The following BNIP1 variants were observed in gnomAD, a reference collection of about 807,000 sequenced individuals.
The protein encoded by BNIP1 is BCL2 interacting protein 1, also known as vesicle transport protein SEC20.
BNIP1 carries 25 observed loss-of-function variants against 28.5 expected under a neutral mutation model. The observed-to-expected ratio is 0.88, with a 90% CI of 0.64 to 1.23. The LOEUF (loss-of-function observed/expected upper bound fraction) is 1.23. Among genes scored for constraint, BNIP1 ranks in the 50% most tolerant of loss-of-function variants. The pLI, the probability that BNIP1 is intolerant of heterozygous loss-of-function variation, is 0.00. For synonymous variants in BNIP1, 118 were observed against 101.7 expected (o/e 1.16, Z -0.96); for missense variants, 276 against 277.0 (o/e 1.00, Z 0.02).
chr5:173,154,414 G>A lies in BNIP1; in HGVS notation c.269+1G>A. ...AGAATCACAAAAAGCAGATGCTCAG[G>A]TAGGCAGGGCCTGCCCCCGCCAGCG... On this transcript the variant is annotated splice_donor_variant, in intron 3 of 5. Coordinates refer to ENST00000351486, the MANE Select transcript of BNIP1 (RefSeq NM_001205.3). LOFTEE classifies it high-confidence loss of function. 2 of 1,611,542 alleles carry A rather than the reference G, an allele frequency of 1.2e-6. No individual in the cohort carries two copies. The highest frequency in any genetic ancestry group is 1.7e-6 in the Non-Finnish European group (2 of 1,178,620).
chr5:173,153,648 T>G (rs775613072), intron 2 of BNIP1, among the ~76,000 whole-genome samples: 102 of 151,006 alleles, frequency 6.8e-4, no homozygotes, highest in Non-Finnish European at 2.4e-4. Flanking sequence ...CTCAGGGGAG[T>G]TTTTTTTTAA....
rs8069 is a variant in BNIP1 at position 173,164,153 on chromosome 5, C to G, written c.*232C>G. The G allele has an allele frequency of 2.6e-6, 1 of 390,104 alleles. No homozygotes were observed. The allele number at this position is 390,104 out of a possible 1,614,324, so 24.2% of individuals were successfully genotyped here. A position where few individuals can be genotyped will look rare whatever the true frequency, so the allele number is the denominator to read the frequency against. ...GATGCCGCCCTGGGGACATACGAAC[C>G]GCCTCCTTCCACCATTGTGCACTAT... On this transcript the variant is annotated 3_prime_UTR_variant, in exon 6 of 6. Transcript: ENST00000351486. This position sits in a 1 kb window ranked among gnomAD's most constrained non-coding sequence, Gnocchi z 4.0.
At chr5:173,145,425 G>A (rs1759802901) in intron 1 of BNIP1, among the ~76,000 whole-genome samples, 1 of 152,062 alleles carries the variant, frequency 6.6e-6, no homozygotes, top group African/African-American at 2.4e-5. Flanking sequence ...TTTTTGAGAC[G>A]GAGTCTCGCT....
rs752048025 is a variant in BNIP1 at position 173,146,897 on chromosome 5, C to T, written c.116C>T (p.Ala39Val). 1.2e-6 allele frequency: 2 copies of T among 1,613,976 alleles called. No homozygotes were observed. The highest frequency in any genetic ancestry group is 1.7e-5 in the Admixed American group (1 of 60,010). The change falls in exon 2 of 6, where the codon GCT becomes GTT. Residue 39 changes from alanine to valine, a missense_variant. Ala to Val is a moderately conservative substitution (Grantham distance 64, BLOSUM62 0). Coordinates refer to ENST00000351486, the MANE Select transcript of BNIP1 (RefSeq NM_001205.3). ...CGTGATTGTTCAGGACCCTTAAGTG[C>T]TCTTACTGAACTGAATACTAAAGTA... ...DIRDCSGPLS[A>V]LTELNTKVKE...
chr5:173,156,037 A>T (rs538210854), intron 3 of BNIP1, among the ~76,000 whole-genome samples: 2 of 152,350 alleles, frequency 1.3e-5, no homozygotes, highest in South Asian at 4.1e-4. Flanking sequence ...GCAGCTGTGT[A>T]TGTAACAGTC....
chr5:173,157,932 T>G (rs1760250061), intron 3 of BNIP1, among the ~76,000 whole-genome samples: 1 of 151,228 alleles, frequency 6.6e-6, no homozygotes, highest in Non-Finnish European at 1.5e-5. Context: ...GTGTGTTTTT[T>G]TTTTTTTTTC....
chr5:173,151,682 T>A (rs1302354564), intron 2 of BNIP1: 2 of 1,613,792 alleles, frequency 1.2e-6, no homozygotes, highest in Non-Finnish European at 1.7e-6. Flanking sequence ...CAACTACACC[T>A]GTTACCTTCA....
chr5:173,146,850 G>T lies in BNIP1; in HGVS notation c.85-16G>T. 1 of 1,599,932 alleles carries T rather than the reference G, an allele frequency of 6.3e-7. No individual in the cohort carries two copies. Among genetic ancestry groups the T allele is most frequent in the Non-Finnish European group, 8.6e-7 (1 of 1,167,356 alleles). On this transcript the variant is annotated splice_polypyrimidine_tract_variant and intron_variant, in intron 1 of 5. Coordinates refer to ENST00000351486, the MANE Select transcript of BNIP1 (RefSeq NM_001205.3). Reference sequence around the variant, plus strand: ...TTGCCTTGAGAAAGGCCTTTCATCTGTTCAATGTCTCCTAGGATATCCGTG... The same window carrying T: ...TTGCCTTGAGAAAGGCCTTTCATCTTTTCAATGTCTCCTAGGATATCCGTG...
intron 1 of BNIP1, among the ~76,000 whole-genome samples, chr5:173,146,005 C>G (rs1297457005): frequency 1.3e-5 from 2 of 152,232 alleles, no homozygotes; most frequent in African/African-American, 2.4e-5. Flanking sequence ...AAACAGGTTT[C>G]ATACAAATGA....
intron 4 of BNIP1, among the ~76,000 whole-genome samples, chr5:173,159,303 T>C (rs981819509): frequency 4.8e-4 from 73 of 152,342 alleles, no homozygotes; most frequent in African/African-American, 1.7e-3. Context: ...CCTCCCAAAG[T>C]GCTAGGATTA....
At chr5:173,147,530 C>G (rs1354318975) in intron 2 of BNIP1, among the ~76,000 whole-genome samples, 1 of 152,098 alleles carries the variant, frequency 6.6e-6, no homozygotes. Flanking sequence ...TTTCTCTTCT[C>G]TGCCATTCTT....
At position 173,164,064 on chromosome 5, in the gene BNIP1, C is replaced by T; in HGVS notation, c.*143C>T. The T allele has an allele frequency of 1.3e-6, 1 of 795,844 alleles. No homozygotes were observed. The highest frequency in any genetic ancestry group is 1.9e-6 in the Non-Finnish European group (1 of 531,968). 49.3% of individuals were successfully genotyped at this position (795,844 alleles called of 1,614,324 possible). A position where few individuals can be genotyped will look rare whatever the true frequency, so the allele number is the denominator to read the frequency against. ...AGGTTGGATGGAACACAGTGCCCCA[C>T]TTTTCTGCAAGTAGCTGGCTTGTAA... On this transcript the variant is annotated 3_prime_UTR_variant, in exon 6 of 6. Transcript: ENST00000351486. The surrounding 1 kb of genome is among the most constrained non-coding windows in gnomAD (Gnocchi z 4.0).
chr5:173,155,723 A>T (rs1254792521), intron 3 of BNIP1, among the ~76,000 whole-genome samples: 3 of 152,078 alleles, frequency 2.0e-5, no homozygotes, highest in Non-Finnish European at 4.4e-5. Flanking sequence ...TTTATTTTTA[A>T]AAAATTAAAA....
At chr5:173,146,490 G>T (rs1054592896) in intron 1 of BNIP1, among the ~76,000 whole-genome samples, 4 of 152,174 alleles carry the variant, frequency 2.6e-5, no homozygotes, top group Non-Finnish European at 4.4e-5. Flanking sequence ...GATCTTCCAA[G>T]TTGGAAGGAT....
chr5:173,148,827 T>TCCAA (rs1299355647), intron 2 of BNIP1, among the ~76,000 whole-genome samples: 1 of 152,200 alleles, frequency 6.6e-6, no homozygotes, highest in Non-Finnish European at 1.5e-5. Flanking sequence ...TCCTGGTCAC[T>TCCAA]CCAAGGGTTG....
intron 4 of BNIP1, among the ~76,000 whole-genome samples, chr5:173,159,478 A>T (rs977732397): frequency 4.8e-5 from 1 of 20,754 alleles, no homozygotes; most frequent in African/African-American, 1.7e-4. Context: ...GTTGTTCATT[A>T]AAAAAAAAAA....
chr5:173,161,748 G>C (rs1011774651), intron 5 of BNIP1: 2 of 152,274 alleles, frequency 1.3e-5, no homozygotes, highest in African/African-American at 4.8e-5. Flanking sequence ...CAGTTGGGGG[G>C]AGGGGGAGCA....
At chr5:173,163,585 G>A in intron 5 of BNIP1, 140 bp from the exon 6 acceptor site, 1 of 702,962 alleles carries the variant, frequency 1.4e-6, no homozygotes, top group African/African-American at 1.8e-5. Context: ...CTCCTTGGCT[G>A]GTCTCCACAT....
At chr5:173,149,967 G>A (rs1254748422) in intron 2 of BNIP1, among the ~76,000 whole-genome samples, 1 of 152,194 alleles carries the variant, frequency 6.6e-6, no homozygotes, top group African/African-American at 2.4e-5. Flanking sequence ...CTAAAGACTT[G>A]AGCTTTTTTG....
Sources: allele counts gnomAD v4.1 joint callset (sites outside exome capture counted in the v4.1 genomes callset), GRCh38; gene constraint gnomAD v4.1.1; non-coding constraint Gnocchi (gnomAD v3.1); transcripts MANE v1.5; gene names NCBI Gene and HGNC (gene_info 2026-07-23, HGNC 2026-07-21).